EDA: variants seen among roughly 807,000 people sequenced by gnomAD.
EDA encodes ectodysplasin-A.
EDA carries 2 observed loss-of-function variants against 23.6 expected under a neutral mutation model. That is an observed-to-expected ratio of 0.08 (90% CI 0.03 to 0.27). The LOEUF is 0.27. Ranked by LOEUF, EDA falls within the 10% of genes least tolerant of loss-of-function variation. The probability of loss-of-function intolerance (pLI) is 1.00; values close to 1 mark genes in which losing one functional copy is unlikely to be tolerated. For missense variants in EDA, 229 were observed against 324.2 expected (o/e 0.71, Z 2.26); for synonymous variants, 131 against 132.0 (o/e 0.99, Z 0.05).
rs186530621 is a variant in EDA at position 69,706,650 on chromosome X, C to T, written c.396+89946C>T. Among the ~76,000 whole-genome samples the T allele has an allele frequency of 3.7e-3, 407 of 110,250 alleles. 2 individuals carry two copies. The highest frequency in any genetic ancestry group is 0.013 in the African/African-American group (391 of 30,272). ...AAGAAGGGTGGGGGTGGGGAGGCTT[C>T]CAGGTTGTATGTAGATTTACAATTT... On this transcript the variant is annotated intron_variant, in intron 1 of 7. Coordinates refer to ENST00000374552, the MANE Select transcript of EDA (RefSeq NM_001399.5).
chrX:69,887,001 A>G (rs1019027842), intron 1 of EDA, among the ~76,000 whole-genome samples: 4 of 110,956 alleles, frequency 3.6e-5, no homozygotes, highest in African/African-American at 1.3e-4. Context: ...TAAAGTTCCA[A>G]TTACTGACGG....
chrX:69,815,733 T>C (rs892882229), intron 1 of EDA, among the ~76,000 whole-genome samples: 2 of 112,144 alleles, frequency 1.8e-5, no homozygotes, highest in African/African-American at 6.5e-5. Flanking sequence ...CCTCCACAGT[T>C]CAGTTGACTC....
chrX:69,785,844 A>T (rs753190825), intron 1 of EDA, among the ~76,000 whole-genome samples: 1 of 107,647 alleles, frequency 9.3e-6, no homozygotes, highest in Admixed American at 1.0e-4. Flanking sequence ...TTTTCTATTG[A>T]TTGGAATAGT....
chrX:69,803,496 C>T, intron 1 of EDA, among the ~76,000 whole-genome samples: 1 of 110,914 alleles, frequency 9.0e-6, no homozygotes, highest in Non-Finnish European at 1.9e-5. Flanking sequence ...GGGTCTATCT[C>T]TCTATCCCTT....
intron 1 of EDA, among the ~76,000 whole-genome samples, chrX:69,675,588 T>A (rs199844411): frequency 2.3e-4 from 22 of 97,254 alleles, no homozygotes; most frequent in Admixed American, 6.6e-4. Flanking sequence ...TTTTTTCAAA[T>A]TTTTTTTCTT....
intron 1 of EDA, among the ~76,000 whole-genome samples, chrX:69,874,127 A>G (rs986899972): frequency 9.0e-6 from 1 of 111,165 alleles, no homozygotes; most frequent in Non-Finnish European, 1.9e-5. Flanking sequence ...CCTGACCAAC[A>G]TGGAGAAACC....
intron 1 of EDA, among the ~76,000 whole-genome samples, chrX:69,827,383 C>G (rs182615262): frequency 0.019 from 2,154 of 111,642 alleles, 33 homozygotes; most frequent in African/African-American, 0.055. Context: ...ATATTTCTTG[C>G]AGGCTTTGCT....
In EDA at chrX:69,750,745, A is replaced by G. The variant is rs1319136060; in HGVS notation, c.396+134041A>G. Among the ~76,000 whole-genome samples the G allele has an allele frequency of 2.7e-5, 3 of 111,512 alleles. No individual in the cohort carries two copies. The Admixed American group carries it at 2.8e-4, about 11-fold the overall frequency. ...TAGTGTGAGATGGTATCTCATTGTG[A>G]TTTTGACTCGCATTTCTCTAATGGC... On this transcript the variant is annotated intron_variant, in intron 1 of 7. Transcript: ENST00000374552.
chrX:69,846,267 G>A (rs192951805), intron 1 of EDA, among the ~76,000 whole-genome samples: 2 of 111,295 alleles, frequency 1.8e-5, no homozygotes, highest in East Asian at 2.8e-4. Flanking sequence ...CTTTTTCTTC[G>A]TGTCGTTTTT....
chrX:69,871,432 C>T (rs1005189649), intron 1 of EDA, among the ~76,000 whole-genome samples: 5 of 111,321 alleles, frequency 4.5e-5, no homozygotes, highest in Admixed American at 9.6e-5. Context: ...AGCCTGAGTC[C>T]CAAAACGGAA....
At chrX:69,687,687 A>G (rs1934588443) in intron 1 of EDA, 1 of 110,754 alleles carries the variant, frequency 9.0e-6, no homozygotes, top group Admixed American at 9.6e-5. Flanking sequence ...TAAGAGTTTT[A>G]TAGTTTTAGC....
intron 1 of EDA, among the ~76,000 whole-genome samples, chrX:69,843,435 G>C (rs2016935634): frequency 8.9e-6 from 1 of 111,742 alleles, no homozygotes; most frequent in African/African-American, 3.3e-5. Context: ...TAAATGAAGA[G>C]TTGTCTTTAT....
chrX:69,807,030 T>G (rs1382550120), intron 1 of EDA, among the ~76,000 whole-genome samples: 1 of 111,243 alleles, frequency 9.0e-6, no homozygotes, highest in Non-Finnish European at 1.9e-5. Flanking sequence ...TGTATACTTA[T>G]GTTTACCCAG....
chrX:69,811,750 G>C (rs1479585412), intron 1 of EDA, among the ~76,000 whole-genome samples: 1 of 112,391 alleles, frequency 8.9e-6, no homozygotes, highest in Non-Finnish European at 1.9e-5. Flanking sequence ...TTTCTGGAGA[G>C]AGCAGGGATG....
chrX:69,967,169 G>A (rs959849696), intron 2 of EDA, among the ~76,000 whole-genome samples: 3 of 110,801 alleles, frequency 2.7e-5, no homozygotes, highest in African/African-American at 9.8e-5. Flanking sequence ...TGGTTAAAGT[G>A]GATAGAAAAT....
intron 6 of EDA, among the ~76,000 whole-genome samples, chrX:70,031,911 C>G (rs1355381676): frequency 1.8e-5 from 2 of 112,266 alleles, no homozygotes; most frequent in East Asian, 2.8e-4. Flanking sequence ...TTGTTTCCAG[C>G]CCCTCTGGGC....
intron 2 of EDA, among the ~76,000 whole-genome samples, chrX:69,979,484 T>C (rs1377780610): frequency 8.9e-6 from 1 of 112,201 alleles, no homozygotes; most frequent in Non-Finnish European, 1.9e-5. Context: ...TTTTCCAAAG[T>C]AGCTACATCA....
At chrX:69,783,896 A>C (rs1322668333) in intron 1 of EDA, among the ~76,000 whole-genome samples, 2 of 103,180 alleles carry the variant, frequency 1.9e-5, no homozygotes, top group Non-Finnish European at 4.1e-5. Context: ...GAACTAGTTT[A>C]CAGTCCCACC....
intron 1 of EDA, among the ~76,000 whole-genome samples, chrX:69,713,238 A>G (rs935305301): frequency 8.9e-6 from 1 of 112,431 alleles, no homozygotes; most frequent in Admixed American, 9.4e-5. Flanking sequence ...TTGTAGATTC[A>G]CAGCAATTTT....
Sources: allele counts gnomAD v4.1 joint callset (sites outside exome capture counted in the v4.1 genomes callset), GRCh38; gene constraint gnomAD v4.1.1; transcripts MANE v1.5; gene names NCBI Gene and HGNC (gene_info 2026-07-23, HGNC 2026-07-21).